PRSS3: variants seen among roughly 807,000 people sequenced by gnomAD.
The protein encoded by PRSS3 is trypsin-3.
PRSS3 carries 14 observed loss-of-function variants against 20.8 expected under a neutral mutation model. The ratio of observed to expected loss-of-function variants is 0.67; its 90% CI spans 0.44 to 1.05. PRSS3 has a LOEUF of 1.05. PRSS3 is among the 50% of genes least tolerant of loss of function. The probability of loss-of-function intolerance (pLI) is 0.00; values close to 1 mark genes in which losing one functional copy is unlikely to be tolerated. For synonymous variants in PRSS3, 91 were observed against 117.6 expected (o/e 0.77, Z 1.46); for missense variants, 237 against 306.4 (o/e 0.77, Z 1.69).
intron 1 of PRSS3, among the ~76,000 whole-genome samples, chr9:33,759,574 G>A (rs1429168360): frequency 6.6e-6 from 1 of 152,126 alleles, no homozygotes; most frequent in South Asian, 2.1e-4. Context: ...CCCAAGTTTG[G>A]GATATGAGAA....
At chr9:33,757,472 AT>A (rs1316029533) in intron 1 of PRSS3, among the ~76,000 whole-genome samples, 1 of 105,246 alleles carries the variant, frequency 9.5e-6, no homozygotes, top group Admixed American at 1.1e-4. Flanking sequence ...GAGCAGATTC[AT>A]CTTTTTTTTT....
rs760017114 is a variant in PRSS3 at position 33,797,952 on chromosome 9, C to A, written c.324C>A (p.Ile108=). Residue 108 remains isoleucine, a synonymous_variant, in exon 3 of 5, where the codon ATC becomes ATA. Coordinates refer to ENST00000379405, the MANE Select transcript of PRSS3 (RefSeq NM_002771.4). The part of the protein sequence containing the change: ...KYNRDTLDND[I]MLIKLSSPAV... Reference sequence around the variant, plus strand: ...ACAGGGACACTCTGGACAATGACATCATGCTGATCAAACTCTCCTCACCTG... The same window carrying A: ...ACAGGGACACTCTGGACAATGACATAATGCTGATCAAACTCTCCTCACCTG... The A allele has an allele frequency of 2.3e-5, 37 of 1,614,150 alleles. No homozygotes were observed. Among genetic ancestry groups the A allele is most frequent in the African/African-American group, 4.0e-5 (3 of 74,954 alleles).
At chr9:33,794,629 A>G (rs1824810865), upstream of PRSS3, 1 of 1,262,790 alleles carries the variant, frequency 7.9e-7, no homozygotes, top group African/African-American at 1.5e-5. Flanking sequence ...TTCTCAGATC[A>G]GATGGTAACC....
chr9:33,796,546 G>C, intron 1 of PRSS3, 97 bp from the exon 2 acceptor site: 1 of 1,526,806 alleles, frequency 6.5e-7, no homozygotes, highest in South Asian at 1.2e-5. Flanking sequence ...CACTGGGCTT[G>C]TTAAGGATTT....
At chr9:33,760,745 C>CAAAAAAAAAA (rs61678518) in intron 1 of PRSS3, among the ~76,000 whole-genome samples, 1 of 101,400 alleles carries the variant, frequency 9.9e-6, no homozygotes, top group Non-Finnish European at 1.9e-5. Flanking sequence ...GACTCTGTCA[C>CAAAAAAAAAA]AAAAAAAAAA....
chr9:33,799,056 A>T lies in PRSS3; in HGVS notation c.620A>T (p.Asn207Ile). 10 of 1,614,220 alleles carry T rather than the reference A, an allele frequency of 6.2e-6. No homozygotes were observed. The highest frequency in any genetic ancestry group is 8.5e-6 in the Non-Finnish European group (10 of 1,180,030). Residue 207 changes from asparagine (N) to isoleucine (I), a missense_variant, in exon 5 of 5, where the codon AAC becomes ATC. Asn to Ile is a moderately radical substitution (Grantham distance 149). Coordinates refer to ENST00000379405, the MANE Select transcript of PRSS3 (RefSeq NM_002771.4). ...QRDSGGPVVC[N>I]GQLQGVVSWG... ...GACTCTGGTGGCCCTGTGGTCTGCA[A>T]CGGACAGCTCCAAGGAGTTGTCTCC...
intron 1 of PRSS3, among the ~76,000 whole-genome samples, chr9:33,758,485 C>T (rs118102188): frequency 1.3e-5 from 2 of 152,188 alleles, no homozygotes; most frequent in Non-Finnish European, 2.9e-5. Flanking sequence ...TCCCAGGGAC[C>T]TGGAGACTTG....
At chr9:33,785,545 G>T (rs1183157192) in intron 1 of PRSS3, among the ~76,000 whole-genome samples, 2 of 152,038 alleles carry the variant, frequency 1.3e-5, no homozygotes, top group Non-Finnish European at 2.9e-5. Context: ...TAGAATAGAA[G>T]AAACCATATT....
chr9:33,798,472 C>A lies in PRSS3; in HGVS notation c.455-14C>A. On this transcript the variant is annotated splice_polypyrimidine_tract_variant and intron_variant, in intron 3 of 4. Transcript: ENST00000379405. The stretch of plus-strand genomic sequence containing the variant: ...ACATTTCTACTTTCTTTGATCTCTT[C>A]CTGATCCTCACAGCTGACTACCCAG... The A allele has an allele frequency of 6.2e-7, 1 of 1,609,154 alleles. No individual in the cohort carries two copies. Among genetic ancestry groups the A allele is most frequent in the Non-Finnish European group, 8.5e-7 (1 of 1,177,490 alleles).
chr9:33,776,770 G>A (rs1467800779), intron 1 of PRSS3, among the ~76,000 whole-genome samples: 1 of 151,876 alleles, frequency 6.6e-6, no homozygotes, highest in Non-Finnish European at 1.5e-5. Flanking sequence ...AAAATCTAGA[G>A]AACAGGAGAA....
chr9:33,779,698 C>T (rs1824092494), intron 1 of PRSS3, among the ~76,000 whole-genome samples: 1 of 151,728 alleles, frequency 6.6e-6, no homozygotes, highest in Admixed American at 6.6e-5. Flanking sequence ...GAAACCCCGT[C>T]TCTACTAAAA....
chr9:33,792,189 T>C (rs563427468), upstream of PRSS3, among the ~76,000 whole-genome samples: 6 of 151,914 alleles, frequency 3.9e-5, no homozygotes, highest in Admixed American at 3.3e-4. Flanking sequence ...AGAAAAATAA[T>C]GGATGAGGAG....
chr9:33,798,170 C>T, intron 3 of PRSS3, 88 bp downstream of exon 3: 1 of 1,551,596 alleles, frequency 6.4e-7, no homozygotes, highest in Non-Finnish European at 8.7e-7. Flanking sequence ...CCTCTTGCCT[C>T]CCGGCTTAAG....
At chr9:33,795,920 C>A (rs1373492958) in intron 1 of PRSS3, among the ~76,000 whole-genome samples, 2 of 152,174 alleles carry the variant, frequency 1.3e-5, no homozygotes, top group Admixed American at 6.5e-5. Flanking sequence ...CCAAGAGCAC[C>A]AGTATAGCAC....
Position 33,798,511 on chromosome 9 carries a change from C to A in PRSS3, c.480C>A (p.Cys160Ter). 1 of 1,614,020 alleles carries A rather than the reference C, an allele frequency of 6.2e-7. No individual in the cohort carries two copies. The highest frequency in any genetic ancestry group is 1.3e-5 in the African/African-American group (1 of 75,018). ...FGADYPDELK[C>*]LDAPVLTQAE... is the part of the protein sequence containing the mutation. ...CTGACTACCCAGACGAGCTGAAGTG[C>A]CTGGATGCTCCGGTGCTGACCCAGG... The change falls in exon 4 of 5, where the codon TGC becomes TGA. Residue 160 changes from cysteine to a stop codon, truncating the protein, a stop_gained. Transcript: ENST00000379405. LOFTEE classifies it high-confidence loss of function.
chr9:33,776,388 T>TC (rs1554666015), intron 1 of PRSS3, among the ~76,000 whole-genome samples: 1 of 152,112 alleles, frequency 6.6e-6, no homozygotes, highest in Non-Finnish European at 1.5e-5. Context: ...CAGATTTTTT[T>TC]AAAAAAAGCT....
Position 33,797,695 on chromosome 9 carries a change from T to C in PRSS3, c.201-134T>C, listed in dbSNP as rs985813689. ...CTGACCCACATCCCTCTCCTGCCCATGCAATATGGCCACACACCCCACCCC... is the reference window on the plus strand; with the variant it reads ...CTGACCCACATCCCTCTCCTGCCCACGCAATATGGCCACACACCCCACCCC... On this transcript the variant is annotated intron_variant, in intron 2 of 4. Transcript: ENST00000379405. The C allele has an allele frequency of 1.3e-5, 20 of 1,553,602 alleles. No homozygotes were observed. In the Admixed American group the frequency reaches 3.1e-4, roughly 24 times the overall value.
chr9:33,772,211 G>A (rs1823742017), intron 1 of PRSS3, among the ~76,000 whole-genome samples: 2 of 152,180 alleles, frequency 1.3e-5, no homozygotes, highest in Admixed American at 1.3e-4. Flanking sequence ...TGCTCTAAGA[G>A]GGAGTTAAGT....
At chr9:33,793,825 A>G (rs1824753034), upstream of PRSS3, 1 of 541,426 alleles carries the variant, frequency 1.8e-6, no homozygotes, top group South Asian at 8.2e-5. Flanking sequence ...ACAAATCACA[A>G]TTAGCATGTT....
Sources: gnomAD v4.1 joint callset for allele counts (sites outside exome capture counted in the v4.1 genomes callset) on GRCh38, gnomAD v4.1.1 for gene constraint, MANE v1.5 for transcripts, NCBI Gene and HGNC (gene_info 2026-07-23, HGNC 2026-07-21) for gene names.